Variants in WDR11 observed in about 807,000 individuals in gnomAD.
The protein encoded by WDR11 is WD repeat domain 11, also known as WD repeat-containing protein 11.
A neutral mutation model predicts 151.2 loss-of-function variants in WDR11; 83 were observed. That is an observed-to-expected ratio of 0.55 (90% CI 0.46 to 0.66). WDR11 has a LOEUF of 0.66. WDR11 is among the 30% of genes least tolerant of loss of function. The probability of loss-of-function intolerance (pLI) is 0.00; values close to 1 mark genes in which losing one functional copy is unlikely to be tolerated. For missense variants in WDR11, 1,301 were observed against 1,480.9 expected, an observed-to-expected ratio of 0.88 and a Z score of 1.99; for synonymous variants, 484 against 533.1, an observed-to-expected ratio of 0.91 and a Z score of 1.27.
At chr10:120,854,401 A>G (rs1845880161) in intron 2 of WDR11, among the ~76,000 whole-genome samples, 1 of 152,218 alleles carries the variant, frequency 6.6e-6, no homozygotes, top group Non-Finnish European at 1.5e-5. Context: ...GATGTATCAC[A>G]TTTATTTTAT....
chr10:120,874,195 TGTTG>T lies in WDR11; in HGVS notation c.1556+273_1556+276del, dbSNP rs1564703247. On this transcript the variant is annotated intron_variant, in intron 11 of 28. Transcript: ENST00000263461. ...TTTGCAGTTTTTTTTTTTTTTTTGT[TGTTG>T]TTGTTGTTGTTTGTTTTGTTTTGTT... 2.0e-3 allele frequency among the ~76,000 whole-genome samples: 213 copies of T among 108,054 alleles called. 6 individuals carry two copies. Among genetic ancestry groups the T allele is most frequent in the Middle Eastern group, 4.4e-3 (1 of 228 alleles). 70.9% of individuals were successfully genotyped at this position (108,054 alleles called of 152,430 possible).
Position 120,867,193 on chromosome 10 carries a change from C to G in WDR11, c.1294+24C>G, listed in dbSNP as rs761251319. 12 of 1,542,016 alleles carry G rather than the reference C, an allele frequency of 7.8e-6. 1 individual carries two copies. The South Asian group carries it at 1.2e-4, about 16-fold the overall frequency. ...TGGTAAGCTTTTTTCCCCTCTAACT[C>G]CATGTTAAGTATTCTTTCTGAAGGG... On this transcript the variant is annotated intron_variant, in intron 9 of 28. Transcript: ENST00000263461.
chr10:120,874,243 A>C (rs1408038421), intron 11 of WDR11, among the ~76,000 whole-genome samples: 11 of 135,222 alleles, frequency 8.1e-5, no homozygotes, highest in Non-Finnish European at 1.6e-4. Context: ...TTTAAATGGC[A>C]AAAAACACAG....
Position 120,871,315 on chromosome 10 carries a change from C to G in WDR11, c.1440C>G (p.Asn480Lys). 6.2e-7 allele frequency: 1 copy of G among 1,614,050 alleles called. No individual in the cohort carries two copies. The highest frequency in any genetic ancestry group is 8.5e-7 in the Non-Finnish European group (1 of 1,180,002). The change falls in exon 10 of 29, where the codon AAC (asparagine) becomes AAG (lysine). Residue 480 changes from asparagine to lysine, a missense_variant. By Grantham distance (94) the Asn-to-Lys change is moderately conservative (BLOSUM62 0). Transcript: ENST00000263461. Reference sequence around the variant, plus strand: ...TGTGTCCACCGTTGACCACAAAAAACATCAAGATGTATCAGCCACTGCTGG... The same window carrying G: ...TGTGTCCACCGTTGACCACAAAAAAGATCAAGATGTATCAGCCACTGCTGG... ...IRMCPPLTTKNIKMYQPLLAV... is the reference protein window; with the variant it reads ...IRMCPPLTTKKIKMYQPLLAV...
At chr10:120,857,013 A>G (rs1334794635) in intron 2 of WDR11, among the ~76,000 whole-genome samples, 2 of 152,180 alleles carry the variant, frequency 1.3e-5, no homozygotes, top group African/African-American at 4.8e-5. Context: ...AGACATATTA[A>G]TATGTCAGTT....
At chr10:120,890,641 C>T (rs891973635) in intron 18 of WDR11, 75 bp from the exon 19 acceptor site, 2 of 1,582,644 alleles carry the variant, frequency 1.3e-6, no homozygotes, top group Non-Finnish European at 1.7e-6. Flanking sequence ...AGACTGTCTT[C>T]CTTGACCATT....
intron 2 of WDR11, among the ~76,000 whole-genome samples, chr10:120,853,901 T>A (rs1019960083): frequency 2.6e-5 from 4 of 152,176 alleles, no homozygotes; most frequent in African/African-American, 9.7e-5. Context: ...GTGAAGTCAG[T>A]GAATTTTTAA....
intron 19 of WDR11, among the ~76,000 whole-genome samples, chr10:120,894,112 T>C (rs879199511): frequency 1.3e-5 from 2 of 151,778 alleles, no homozygotes; most frequent in African/African-American, 4.8e-5. Flanking sequence ...CTGAATGGTA[T>C]TGCCTAGGTT....
At position 120,888,601 on chromosome 10, in the gene WDR11, A is replaced by G. The variant is rs143117396; in HGVS notation, c.2122-477A>G. Among the ~76,000 whole-genome samples, 332 of 152,346 alleles carry G rather than the reference A, an allele frequency of 2.2e-3. 2 individuals are homozygous for G. The highest frequency in any genetic ancestry group is 7.4e-3 in the African/African-American group (309 of 41,566). On this transcript the variant is annotated intron_variant, in intron 16 of 28. Coordinates refer to ENST00000263461, the MANE Select transcript of WDR11 (RefSeq NM_018117.12). ...AGCATCTCTTCACCTTCATGATTCC[A>G]CAATGTTCCAAAACGTGTCAGTGAA...
intron 2 of WDR11, among the ~76,000 whole-genome samples, chr10:120,856,820 CAT>C (rs1188525091): frequency 6.6e-6 from 1 of 151,932 alleles, no homozygotes; most frequent in Non-Finnish European, 1.5e-5. Context: ...TATATATACA[CAT>C]AGAGACAGTC....
In WDR11 at chr10:120,870,838, A is replaced by C. The variant is rs1312855188; in HGVS notation, c.1295-332A>C. On this transcript the variant is annotated intron_variant, in intron 9 of 28. Coordinates refer to ENST00000263461, the MANE Select transcript of WDR11 (RefSeq NM_018117.12). ...TTCACTCTGCAGAAACTGTTCTCTA[A>C]TGCAAGTTCTCTTGCTTTGTTCTGA... Among the ~76,000 whole-genome samples, 3 of 152,202 alleles carry C rather than the reference A, an allele frequency of 2.0e-5. No individual in the cohort carries two copies. The East Asian group carries it at 5.8e-4, about 29-fold the overall frequency.
At chr10:120,885,788 T>C (rs762223422) in intron 14 of WDR11, 26 bp from the exon 15 acceptor site, 1 of 1,612,892 alleles carries the variant, frequency 6.2e-7, no homozygotes, top group African/African-American at 1.3e-5. Flanking sequence ...CTAGCACTTC[T>C]AGGTTTGTCT....
chr10:120,904,551 T>G, intron 24 of WDR11, 95 bp from the exon 25 acceptor site: 1 of 1,458,652 alleles, frequency 6.9e-7, no homozygotes, highest in African/African-American at 1.4e-5. Context: ...TTTTTGAAAA[T>G]GAGTGTTTTC....
At chr10:120,899,980 G>T (rs1394906717) in intron 19 of WDR11, 49 bp from the exon 20 acceptor site, 1 of 1,461,238 alleles carries the variant, frequency 6.8e-7, no homozygotes. Context: ...AAGCTTCACT[G>T]TAGTATAAAA....
chr10:120,873,185 C>A (rs1846609275), intron 10 of WDR11, among the ~76,000 whole-genome samples: 1 of 152,164 alleles, frequency 6.6e-6, no homozygotes, highest in South Asian at 2.1e-4. Context: ...GTGCCAATTA[C>A]TGTGCTTAGT....
intron 19 of WDR11, among the ~76,000 whole-genome samples, chr10:120,891,835 C>G (rs1453707155): frequency 6.6e-6 from 1 of 152,174 alleles, no homozygotes; most frequent in East Asian, 1.9e-4. Flanking sequence ...ACTGCCCACC[C>G]CTGCCCACTG....
intron 3 of WDR11, 73 bp downstream of exon 3, chr10:120,858,869 GT>G (rs1846036529): frequency 1.3e-6 from 2 of 1,576,924 alleles, no homozygotes; most frequent in Non-Finnish European, 1.7e-6. Flanking sequence ...GGTTTTGGGG[GT>G]TTTCCCCCAT....
intron 4 of WDR11, 62 bp downstream of exon 4, chr10:120,860,344 T>C: frequency 6.4e-7 from 1 of 1,553,426 alleles, no homozygotes; most frequent in East Asian, 2.3e-5. Context: ...AGTAATGCTA[T>C]GTGCATGAGA....
chr10:120,866,943 G>T, intron 8 of WDR11, 123 bp from the exon 9 acceptor site: 2 of 1,053,592 alleles, frequency 1.9e-6, no homozygotes, highest in Admixed American at 4.1e-5. Flanking sequence ...TCACCTATGG[G>T]TAAGATGAAT....
Sources: allele counts gnomAD v4.1 joint callset (sites outside exome capture counted in the v4.1 genomes callset), GRCh38; gene constraint gnomAD v4.1.1; transcripts MANE v1.5; gene names NCBI Gene and HGNC (gene_info 2026-07-23, HGNC 2026-07-21).